Variants in C6orf132 observed in about 807,000 individuals in gnomAD.
The protein encoded by C6orf132 is chromosome 6 open reading frame 132, also known as uncharacterized protein C6orf132.
In C6orf132, 43 loss-of-function variants were observed where a neutral mutation model predicts 65.3. That is an observed-to-expected ratio of 0.66 (90% CI 0.52 to 0.85). The LOEUF (loss-of-function observed/expected upper bound fraction) is 0.85, where lower values mean the gene tolerates loss of function less well. Among genes scored for constraint, C6orf132 ranks in the 40% least tolerant of loss-of-function variants. The pLI, the probability that C6orf132 is intolerant of heterozygous loss-of-function variation, is 0.00. For synonymous variants in C6orf132, 631 were observed against 654.1 expected (o/e 0.96, Z 0.54); for missense variants, 1,488 against 1,548.8 (o/e 0.96, Z 0.66).
At chr6:42,119,750 T>C (rs928353429) in intron 2 of C6orf132, among the ~76,000 whole-genome samples, 1 of 151,826 alleles carries the variant, frequency 6.6e-6, no homozygotes, top group Non-Finnish European at 1.5e-5. Flanking sequence ...CTTCCCAAAG[T>C]GCTGGGATTA....
At position 42,102,578 on chromosome 6, in the gene C6orf132, T is replaced by TC. The variant is rs1378363872; in HGVS notation, c.*1182dup. On this transcript the variant is annotated 3_prime_UTR_variant, in exon 5 of 5. Transcript: ENST00000341865. ...TCCTAGCACTCTTTTTTTTTTTTTT[T>TC]CCGTATTTTTAGTAGAGATGGGGTT... 1 of 140,726 alleles carries TC rather than the reference T, an allele frequency of 7.1e-6. No individual in the cohort carries two copies. The highest frequency in any genetic ancestry group is 7.2e-5 in the Admixed American group (1 of 13,880). 8.7% of individuals were successfully genotyped at this position (140,726 alleles called of 1,614,324 possible). A position where few individuals can be genotyped will look rare whatever the true frequency, so the allele number is the denominator to read the frequency against.
At chr6:42,122,801 G>T (rs913156796) in intron 2 of C6orf132, among the ~76,000 whole-genome samples, 1 of 152,180 alleles carries the variant, frequency 6.6e-6, no homozygotes, top group Non-Finnish European at 1.5e-5. Context: ...TAAGGGAGGG[G>T]TGCAGGGCAG....
rs1766389986 is a variant in C6orf132 at position 42,105,697 on chromosome 6, C to G, written c.2215G>C (p.Glu739Gln). The G allele has an allele frequency of 6.5e-7, 1 of 1,537,316 alleles. No individual in the cohort carries two copies. The highest frequency in any genetic ancestry group is 1.4e-5 in the African/African-American group (1 of 73,196). Residue 739 changes from glutamate to glutamine, a missense_variant, in exon 4 of 5, where the codon GAG becomes CAG. Coordinates refer to ENST00000341865, the MANE Select transcript of C6orf132 (RefSeq NM_001164446.3). ...SQARGEGSPSEATRLPTQGAR... is the reference protein window; with the variant it reads ...SQARGEGSPSQATRLPTQGAR... Reference sequence around the variant, plus strand: ...CCCTGTGTGGGCAGCCTAGTGGCCTCTGAGGGGGACCCCTCTCCCCTTGCC... The same window carrying G: ...CCCTGTGTGGGCAGCCTAGTGGCCTGTGAGGGGGACCCCTCTCCCCTTGCC...
intron 2 of C6orf132, among the ~76,000 whole-genome samples, chr6:42,117,260 TCTTA>T (rs766780892): frequency 3.3e-5 from 5 of 152,196 alleles, no homozygotes; most frequent in Non-Finnish European, 5.9e-5. Context: ...AGCAACCCAG[TCTTA>T]CTGTTAGTTT....
At chr6:42,119,489 C>T (rs1028911630) in intron 2 of C6orf132, among the ~76,000 whole-genome samples, 5 of 151,098 alleles carry the variant, frequency 3.3e-5, no homozygotes, top group East Asian at 2.0e-4. Context: ...GGACCACAGG[C>T]GCGTACCACC....
chr6:42,103,996 C>A, intron 4 of C6orf132, 118 bp from the exon 5 acceptor site: 1 of 723,374 alleles, frequency 1.4e-6, no homozygotes, highest in Non-Finnish European at 2.0e-6. Flanking sequence ...TTTGCCCCGA[C>A]AAGCCCTGGG....
intron 2 of C6orf132, among the ~76,000 whole-genome samples, chr6:42,117,425 A>T (rs1388124897): frequency 6.6e-6 from 1 of 152,074 alleles, no homozygotes; most frequent in Non-Finnish European, 1.5e-5. Flanking sequence ...TTGCCAGTAC[A>T]GTGTTTGCTC....
intron 2 of C6orf132, among the ~76,000 whole-genome samples, chr6:42,116,461 C>T (rs1766572072): frequency 6.6e-6 from 1 of 152,058 alleles, no homozygotes; most frequent in East Asian, 1.9e-4. Context: ...TTCCTGCTGC[C>T]CCTCCACCTC....
chr6:42,132,451 G>A (rs1303832332), intron 1 of C6orf132, among the ~76,000 whole-genome samples: 1 of 151,900 alleles, frequency 6.6e-6, no homozygotes, highest in Non-Finnish European at 1.5e-5. Flanking sequence ...GGAGGCGGAG[G>A]TTGCAGTGAG....
chr6:42,114,589 G>A (rs114601999), intron 2 of C6orf132, among the ~76,000 whole-genome samples: 3 of 152,330 alleles, frequency 2.0e-5, no homozygotes, highest in Non-Finnish European at 4.4e-5. Context: ...GTGCACTGGC[G>A]TGGATGGTGA....
Position 42,103,437 on chromosome 6 carries a change from A to AT in C6orf132, c.*323dup. On this transcript the variant is annotated 3_prime_UTR_variant, in exon 5 of 5. Coordinates refer to ENST00000341865, the MANE Select transcript of C6orf132 (RefSeq NM_001164446.3). ...GGCCGTGCTTGTAAAACTGTTTTAAATAACTCTTGCTAAAGCAGATAGTAC... is the reference window on the plus strand; with the variant it reads ...GGCCGTGCTTGTAAAACTGTTTTAAATTAACTCTTGCTAAAGCAGATAGTAC... 2.5e-6 allele frequency: 1 copy of AT among 392,402 alleles called. No homozygotes were observed. The highest frequency in any genetic ancestry group is 4.5e-6 in the Non-Finnish European group (1 of 222,836). 24.3% of individuals were successfully genotyped at this position (392,402 alleles called of 1,614,324 possible). A position where few individuals can be genotyped will look rare whatever the true frequency, so the allele number is the denominator to read the frequency against.
chr6:42,140,456 C>T (rs893235346), intron 1 of C6orf132, among the ~76,000 whole-genome samples: 17 of 152,194 alleles, frequency 1.1e-4, no homozygotes, highest in Non-Finnish European at 1.8e-4. Flanking sequence ...AAACTTGGAT[C>T]GCCTTCCTCT....
At chr6:42,108,982 A>C (rs1387400248) in intron 3 of C6orf132, among the ~76,000 whole-genome samples, 2 of 152,206 alleles carry the variant, frequency 1.3e-5, no homozygotes, top group Non-Finnish European at 2.9e-5. Flanking sequence ...CAGCAAAAAA[A>C]CCAACAAAAC....
rs143753635 is a variant in C6orf132 at position 42,136,083 on chromosome 6, G to T, written c.145+6217C>A. Among the ~76,000 whole-genome samples the T allele has an allele frequency of 2.7e-3, 399 of 150,346 alleles. 4 individuals carry two copies. Among genetic ancestry groups the T allele is most frequent in the African/African-American group, 9.3e-3 (379 of 40,842 alleles). ...CATATGTAACTAACCTGCACATTGT[G>T]CACATGTACCCTAAAACTTAAAGTA... On this transcript the variant is annotated intron_variant, in intron 1 of 4. Coordinates refer to ENST00000341865, the MANE Select transcript of C6orf132 (RefSeq NM_001164446.3).
Position 42,142,327 on chromosome 6 carries a change from C to T in C6orf132, c.118G>A (p.Ala40Thr), listed in dbSNP as rs778553987. Reference protein sequence around the residue: ...TNPPWIFTQEAPEEGTGGFDG... With the variant: ...TNPPWIFTQETPEEGTGGFDG... ...AAGCCCCCGGTCCCCTCCTCCGGGG[C>T]CTCCTGGGTGAAGATCCAGGGCGGA... Residue 40 changes from alanine to threonine, a missense_variant, in exon 1 of 5, where the codon GCC becomes ACC. Ala to Thr is a moderately conservative substitution (Grantham distance 58). Transcript: ENST00000341865. 2 of 1,551,240 alleles carry T rather than the reference C, an allele frequency of 1.3e-6. No homozygotes were observed. The highest frequency in any genetic ancestry group is 1.7e-6 in the Non-Finnish European group (2 of 1,146,812).
At chr6:42,125,614 C>A (rs1214351064) in intron 2 of C6orf132, among the ~76,000 whole-genome samples, 2 of 152,214 alleles carry the variant, frequency 1.3e-5, no homozygotes, top group Non-Finnish European at 2.9e-5. Context: ...CATTCTTTCA[C>A]CCTCACCAGT....
Position 42,106,725 on chromosome 6 carries a change from A to AGGGGGGGGGCG in C6orf132, c.1186_1187insCGCCCCCCCCC (p.Leu396ProfsTer125). ...AGGGAGGGGGGGTGCAGGAGGGGGCAGGGGAGGGGCTGGAGGCGGAGTCCC... is the reference window on the plus strand; with the variant it reads ...AGGGAGGGGGGGTGCAGGAGGGGGCAGGGGGGGGGCGGGGGAGGGGCTGGAGGCGGAGTCCC... On this transcript the variant is annotated frameshift_variant, in exon 4 of 5. Coordinates refer to ENST00000341865, the MANE Select transcript of C6orf132 (RefSeq NM_001164446.3). LOFTEE classifies it high-confidence loss of function. The AGGGGGGGGGCG allele has an allele frequency of 3.4e-6, 1 of 296,274 alleles. No individual in the cohort carries two copies. The highest frequency in any genetic ancestry group is 4.4e-6 in the Non-Finnish European group (1 of 226,262). 18.4% of individuals were successfully genotyped at this position (296,274 alleles called of 1,614,324 possible). A position where few individuals can be genotyped will look rare whatever the true frequency, so the allele number is the denominator to read the frequency against.
chr6:42,107,437 C>T lies in C6orf132; in HGVS notation c.475G>A (p.Gly159Arg). The change falls in exon 4 of 5, where the codon GGG (glycine) becomes AGG (arginine). Residue 159 changes from glycine (G) to arginine (R), a missense_variant. Transcript: ENST00000341865. ...GPPQDISEPP[G>R]GSPLPSPPST... Reference sequence around the variant, plus strand: ...GGTGGAGATGGCAGTGGCGACCCCCCTGGAGGTTCTGAAATGTCCTGAGGG... The same window carrying T: ...GGTGGAGATGGCAGTGGCGACCCCCTTGGAGGTTCTGAAATGTCCTGAGGG... The T allele has an allele frequency of 6.9e-7, 1 of 1,444,376 alleles. No homozygotes were observed. The highest frequency in any genetic ancestry group is 9.2e-7 in the Non-Finnish European group (1 of 1,088,610). The allele number at this position is 1,444,376 out of a possible 1,614,324, so 89.5% of individuals were successfully genotyped here. A position where few individuals can be genotyped will look rare whatever the true frequency, so the allele number is the denominator to read the frequency against.
intron 2 of C6orf132, among the ~76,000 whole-genome samples, chr6:42,118,828 G>A (rs966005971): frequency 2.7e-5 from 4 of 149,310 alleles, no homozygotes; most frequent in South Asian, 2.1e-4. Flanking sequence ...TCACAGAGGT[G>A]TACAAGCCAG....
Sources: allele counts gnomAD v4.1 joint callset (sites outside exome capture counted in the v4.1 genomes callset), GRCh38; gene constraint gnomAD v4.1.1; transcripts MANE v1.5; gene names NCBI Gene and HGNC (gene_info 2026-07-23, HGNC 2026-07-21).